Variants in SOCS5 observed in about 807,000 individuals in gnomAD.
SOCS5 encodes the protein CIS-6.
SOCS5 carries 32 observed loss-of-function variants against 42.8 expected under a neutral mutation model. The observed-to-expected ratio is 0.75, with a 90% CI of 0.56 to 1.01. The LOEUF (loss-of-function observed/expected upper bound fraction) is 1.01. SOCS5 is among the 50% of genes least tolerant of loss of function. The pLI, the probability that SOCS5 is intolerant of heterozygous loss-of-function variation, is 0.00. For synonymous variants in SOCS5, 283 were observed against 229.6 expected (o/e 1.23, Z -2.10); for missense variants, 627 against 653.0 (o/e 0.96, Z 0.43).
chr2:46,707,099 A>G (rs1221581123), intron 1 of SOCS5, among the ~76,000 whole-genome samples: 1 of 152,318 alleles, frequency 6.6e-6, no homozygotes, highest in South Asian at 2.1e-4. Flanking sequence ...CTAGCACAGA[A>G]GGTAGAGGAG....
At chr2:46,749,831 C>CT (rs1191959836) in intron 1 of SOCS5, among the ~76,000 whole-genome samples, 2 of 152,122 alleles carry the variant, frequency 1.3e-5, no homozygotes, top group Non-Finnish European at 2.9e-5. Context: ...ATGGATAGAA[C>CT]TTTCACTCTG....
intron 1 of SOCS5, among the ~76,000 whole-genome samples, chr2:46,734,028 G>T (rs959280083): frequency 6.6e-6 from 1 of 152,142 alleles, no homozygotes; most frequent in African/African-American, 2.4e-5. Flanking sequence ...TAATGGAAAC[G>T]TTGTGGGACT....
chr2:46,715,574 A>T (rs1323371743), intron 1 of SOCS5, among the ~76,000 whole-genome samples: 1 of 152,060 alleles, frequency 6.6e-6, no homozygotes, highest in Non-Finnish European at 1.5e-5. Flanking sequence ...TGGTGTGGAT[A>T]TGGAATTCTA....
intron 1 of SOCS5, among the ~76,000 whole-genome samples, chr2:46,716,036 T>C (rs990777652): frequency 6.6e-6 from 1 of 152,032 alleles, no homozygotes; most frequent in Non-Finnish European, 1.5e-5. Context: ...GGGTAACTGA[T>C]TTTTTTGTTA....
intron 1 of SOCS5, among the ~76,000 whole-genome samples, chr2:46,745,835 T>C (rs772905744): frequency 1.3e-5 from 2 of 152,200 alleles, no homozygotes; most frequent in Non-Finnish European, 2.9e-5. Flanking sequence ...TTTAGAAGGA[T>C]TGAAGAGCGG....
chr2:46,726,258 G>A (rs1019561571), intron 1 of SOCS5, among the ~76,000 whole-genome samples: 3 of 151,890 alleles, frequency 2.0e-5, no homozygotes, highest in African/African-American at 4.8e-5. Flanking sequence ...CACCATGCTC[G>A]GCTAATTTTT....
At chr2:46,751,555 G>T (rs1673622994) in intron 1 of SOCS5, among the ~76,000 whole-genome samples, 1 of 151,974 alleles carries the variant, frequency 6.6e-6, no homozygotes, top group African/African-American at 2.4e-5. Context: ...ATCTCTAGGT[G>T]GTGGGACTTC....
At chr2:46,753,742 A>C (rs1673675185) in intron 1 of SOCS5, among the ~76,000 whole-genome samples, 1 of 152,074 alleles carries the variant, frequency 6.6e-6, no homozygotes, top group African/African-American at 2.4e-5. Context: ...TGGGTTATTC[A>C]TGAGTTTTCC....
intron 1 of SOCS5, among the ~76,000 whole-genome samples, chr2:46,752,330 A>C (rs763614399): frequency 6.6e-6 from 1 of 152,100 alleles, no homozygotes; most frequent in Non-Finnish European, 1.5e-5. Flanking sequence ...TGATGATATA[A>C]GGTGGAACAG....
In SOCS5 at chr2:46,762,264, T is replaced by A. The variant is rs1457333584; in HGVS notation, c.*2123T>A. 4.2e-5 allele frequency: 7 copies of A among 166,976 alleles called. No individual in the cohort carries two copies. In the East Asian group the frequency reaches 9.6e-4, roughly 23 times the overall value. The allele number at this position is 166,976 out of a possible 1,614,324, so 10.3% of individuals were successfully genotyped here. A position where few individuals can be genotyped will look rare whatever the true frequency, so the allele number is the denominator to read the frequency against. On this transcript the variant is annotated 3_prime_UTR_variant, in exon 2 of 2. Coordinates refer to ENST00000394861, the MANE Select transcript of SOCS5 (RefSeq NM_144949.3). ...TATTGCCTAATTGTTGGGTCTTTTT[T>A]CTTGAGCTTATAATGTACCTGGAAA...
chr2:46,719,346 C>T (rs1445763581), intron 1 of SOCS5, among the ~76,000 whole-genome samples: 1 of 152,122 alleles, frequency 6.6e-6, no homozygotes, highest in Non-Finnish European at 1.5e-5. Flanking sequence ...TAATATGTAT[C>T]CTAAACTTTT....
intron 1 of SOCS5, among the ~76,000 whole-genome samples, chr2:46,703,288 C>G (rs1319413900): frequency 6.6e-6 from 1 of 151,504 alleles, no homozygotes; most frequent in Admixed American, 6.6e-5. Context: ...CCTGGGCCAG[C>G]TATTGAGTCC....
intron 1 of SOCS5, among the ~76,000 whole-genome samples, chr2:46,728,722 A>G (rs988335870): frequency 6.6e-6 from 1 of 152,090 alleles, no homozygotes; most frequent in African/African-American, 2.4e-5. Flanking sequence ...TGCCCGGCTA[A>G]TTTTTGTATT....
At chr2:46,745,350 G>T (rs935747113) in intron 1 of SOCS5, among the ~76,000 whole-genome samples, 2 of 152,138 alleles carry the variant, frequency 1.3e-5, no homozygotes, top group African/African-American at 4.8e-5. Context: ...GTTTGTGTTG[G>T]AAGAATAGCA....
At chr2:46,726,635 C>T (rs1287410959) in intron 1 of SOCS5, among the ~76,000 whole-genome samples, 2 of 152,196 alleles carry the variant, frequency 1.3e-5, no homozygotes, top group South Asian at 4.1e-4. Flanking sequence ...TAGATCATTT[C>T]TACCAGTCTA....
At chr2:46,722,296 A>G (rs571679214) in intron 1 of SOCS5, among the ~76,000 whole-genome samples, 2 of 147,796 alleles carry the variant, frequency 1.4e-5, no homozygotes, top group African/African-American at 5.1e-5. Flanking sequence ...TGCTCAAAGG[A>G]TTTAAGACAT....
At chr2:46,711,425 C>T (rs942746127) in intron 1 of SOCS5, among the ~76,000 whole-genome samples, 1 of 152,114 alleles carries the variant, frequency 6.6e-6, no homozygotes, top group South Asian at 2.1e-4. Context: ...TGCATATCAT[C>T]CTTAGTGATA....
rs1054693789 is a variant in SOCS5 at position 46,762,460 on chromosome 2, T to C, written c.*2319T>C. 6.0e-6 allele frequency: 1 copy of C among 166,296 alleles called. No individual in the cohort carries two copies. The highest frequency in any genetic ancestry group is 6.5e-5 in the Admixed American group (1 of 15,288). 10.3% of individuals were successfully genotyped at this position (166,296 alleles called of 1,614,324 possible). On this transcript the variant is annotated 3_prime_UTR_variant, in exon 2 of 2. Coordinates refer to ENST00000394861, the MANE Select transcript of SOCS5 (RefSeq NM_144949.3). The stretch of plus-strand genomic sequence containing the variant: ...ACTGTAGTTTTATAGAAAGTATTAA[T>C]GCTTTTATGTATTTCAAAACTTTCA...
At chr2:46,726,301 C>G (rs1210073036) in intron 1 of SOCS5, among the ~76,000 whole-genome samples, 1 of 151,938 alleles carries the variant, frequency 6.6e-6, no homozygotes, top group Non-Finnish European at 1.5e-5. Flanking sequence ...TTTCACCATA[C>G]TGGCCAGACT....
Sources: allele counts gnomAD v4.1 joint callset (sites outside exome capture counted in the v4.1 genomes callset), GRCh38; gene constraint gnomAD v4.1.1; transcripts MANE v1.5; gene names NCBI Gene and HGNC (gene_info 2026-07-23, HGNC 2026-07-21).